The following FAAH2 variants were observed in gnomAD, a reference collection of about 807,000 sequenced individuals.
FAAH2 encodes fatty-acid amide hydrolase 2.
A neutral mutation model predicts 36.9 loss-of-function variants in FAAH2; 60 were observed. The ratio of observed to expected loss-of-function variants is 1.63; its 90% confidence interval spans 1.32 to 2.02. The LOEUF (loss-of-function observed/expected upper bound fraction) is 2.02. FAAH2 is among the 30% of genes most tolerant of loss of function. The probability of loss-of-function intolerance (pLI) is 0.00; values close to 1 mark genes in which losing one functional copy is unlikely to be tolerated. For synonymous variants in FAAH2, 214 were observed against 143.8 expected (o/e 1.49, Z -3.49); for missense variants, 689 against 397.5 (o/e 1.73, Z -6.23).
At chrX:57,234,373 T>G in the FAAH2 span, among the ~76,000 whole-genome samples, 602 of 111,905 alleles carry the variant, frequency 5.4e-3, 3 homozygotes, top group African/African-American at 0.019. Flanking sequence ...TTTAAACTAT[T>G]TATTATATTT....
intron 5 of FAAH2, among the ~76,000 whole-genome samples, chrX:57,375,566 T>C (rs916392641): frequency 5.4e-5 from 6 of 110,623 alleles, no homozygotes; most frequent in African/African-American, 2.0e-4. Context: ...GGTTTGGTTG[T>C]AATGTCTCCT....
At chrX:57,394,790 T>C in intron 7 of FAAH2, 1 of 991,164 alleles carries the variant, frequency 1.0e-6, no homozygotes. Context: ...CACCAGGATG[T>C]CGCCTTTATT....
chrX:57,147,309 G>A, the FAAH2 span, among the ~76,000 whole-genome samples: 2 of 111,236 alleles, frequency 1.8e-5, no homozygotes, highest in African/African-American at 6.5e-5. Flanking sequence ...ATCTTTTCAG[G>A]CATTTATTCA....
At chrX:57,308,111 C>T (rs1241265377) in intron 2 of FAAH2, among the ~76,000 whole-genome samples, 1 of 111,220 alleles carries the variant, frequency 9.0e-6, no homozygotes, top group Non-Finnish European at 1.9e-5. Flanking sequence ...CATACAAATG[C>T]AAGTGTCTTT....
chrX:57,423,207 C>T (rs758927536), intron 7 of FAAH2, among the ~76,000 whole-genome samples: 1 of 111,928 alleles, frequency 8.9e-6, no homozygotes, highest in East Asian at 2.8e-4. Context: ...GAGAACTGCA[C>T]GGAAATCTAC....
At chrX:57,343,753 C>A (rs1478413114) in intron 5 of FAAH2, among the ~76,000 whole-genome samples, 2 of 111,361 alleles carry the variant, frequency 1.8e-5, no homozygotes, top group South Asian at 3.7e-4. Flanking sequence ...TGGGATCTTA[C>A]ATTTAAATAT....
chrX:57,432,956 A>G (rs963196877), intron 8 of FAAH2, among the ~76,000 whole-genome samples: 1 of 106,659 alleles, frequency 9.4e-6, no homozygotes, highest in Non-Finnish European at 1.9e-5. Context: ...AACTCACACG[A>G]CCCTCTCTAC....
At chrX:57,301,109 T>A (rs1338297729) in intron 2 of FAAH2, among the ~76,000 whole-genome samples, 1 of 108,644 alleles carries the variant, frequency 9.2e-6, no homozygotes, top group Non-Finnish European at 1.9e-5. Context: ...ATCCCATTAC[T>A]GGGTATATAC....
At chrX:57,322,869 C>T (rs367767698) in intron 3 of FAAH2, among the ~76,000 whole-genome samples, 44 of 108,802 alleles carry the variant, frequency 4.0e-4, no homozygotes, top group East Asian at 2.6e-3. Context: ...TTTTAGGGTA[C>T]AGGTGCACAA....
intron 7 of FAAH2, among the ~76,000 whole-genome samples, chrX:57,426,871 C>CTAAT (rs1336287801): frequency 9.0e-6 from 1 of 110,753 alleles, no homozygotes; most frequent in Non-Finnish European, 1.9e-5. Flanking sequence ...AAACCCAAAT[C>CTAAT]TAATAGAAGA....
chrX:57,378,618 T>C, intron 5 of FAAH2, 33 bp from the exon 6 acceptor site: 1 of 1,207,731 alleles, frequency 8.3e-7, no homozygotes, highest in Non-Finnish European at 1.1e-6. Context: ...ATGTCTTATT[T>C]TGGGCGGCTA....
upstream of FAAH2, among the ~76,000 whole-genome samples, chrX:57,281,952 TG>T (rs779578740): frequency 2.7e-5 from 3 of 112,206 alleles, no homozygotes; most frequent in East Asian, 8.3e-4. Flanking sequence ...ACCACATTTT[TG>T]TTATCCAGTC....
At chrX:57,393,323 C>G in intron 7 of FAAH2, 2 of 874,305 alleles carry the variant, frequency 2.3e-6, no homozygotes, top group Non-Finnish European at 3.4e-6. Context: ...AGGGCCACCC[C>G]TGTGCATCTT....
the FAAH2 span, among the ~76,000 whole-genome samples, chrX:57,197,469 T>C: frequency 1.8e-5 from 2 of 111,458 alleles, no homozygotes; most frequent in Non-Finnish European, 3.8e-5. Flanking sequence ...ATCAGAACTG[T>C]TGTTCTGGTT....
At chrX:57,174,308 C>G in the FAAH2 span, among the ~76,000 whole-genome samples, 1 of 109,395 alleles carries the variant, frequency 9.1e-6, no homozygotes, top group African/African-American at 3.3e-5. Context: ...CTTCCTGATT[C>G]AAGCTGTGTG....
At chrX:57,319,982 G>T (rs1472632034) in intron 3 of FAAH2, among the ~76,000 whole-genome samples, 1 of 111,563 alleles carries the variant, frequency 9.0e-6, no homozygotes, top group Non-Finnish European at 1.9e-5. Flanking sequence ...AACTGAAACT[G>T]GACCTCTTTC....
chrX:57,425,970 C>A (rs747920861), intron 7 of FAAH2, among the ~76,000 whole-genome samples: 8 of 111,828 alleles, frequency 7.2e-5, no homozygotes, highest in Non-Finnish European at 1.5e-4. Flanking sequence ...CTCATAAATA[C>A]AATTATAGAC....
chrX:57,358,488 A>T (rs2054214114), intron 5 of FAAH2, among the ~76,000 whole-genome samples: 1 of 111,342 alleles, frequency 9.0e-6, no homozygotes, highest in South Asian at 3.7e-4. Context: ...TGTCCTCAAG[A>T]TGCATTTATA....
chrX:57,157,479 T>G, the FAAH2 span, among the ~76,000 whole-genome samples: 13,561 of 111,082 alleles, frequency 0.12, 1,968 homozygotes, highest in African/African-American at 0.41. Context: ...GTCTGCCTGG[T>G]GTTGCATTCC....
Sources: gnomAD v4.1 joint callset for allele counts (sites outside exome capture counted in the v4.1 genomes callset) on GRCh38, gnomAD v4.1.1 for gene constraint, MANE v1.5 for transcripts, NCBI Gene and HGNC (gene_info 2026-07-23, HGNC 2026-07-21) for gene names.